EPHB2: variants seen among roughly 807,000 people sequenced by gnomAD.
The protein encoded by EPHB2 is EPH receptor B2.
In EPHB2, 18 loss-of-function variants were observed where a neutral mutation model predicts 96.4. The ratio of observed to expected loss-of-function variants is 0.19; its 90% confidence interval spans 0.13 to 0.28. The LOEUF (loss-of-function observed/expected upper bound fraction) is 0.28. Among genes scored for constraint, EPHB2 ranks in the 10% least tolerant of loss-of-function variants. EPHB2 has a pLI of 1.00. For synonymous variants in EPHB2, 506 were observed against 534.1 expected (o/e 0.95, Z 0.72); for missense variants, 989 against 1,355.4 (o/e 0.73, Z 4.25).
At chr1:22,806,361 C>T (rs1042300470) in intron 3 of EPHB2, among the ~76,000 whole-genome samples, 1 of 152,202 alleles carries the variant, frequency 6.6e-6, no homozygotes, top group Non-Finnish European at 1.5e-5. Context: ...TCTTAGAATA[C>T]CAAGTCCTTG....
chr1:22,754,510 G>A (rs995451101), intron 1 of EPHB2, among the ~76,000 whole-genome samples: 5 of 151,826 alleles, frequency 3.3e-5, no homozygotes, highest in African/African-American at 4.8e-5. Context: ...GAGGACACCT[G>A]AGACCAGGGC....
intron 1 of EPHB2, among the ~76,000 whole-genome samples, chr1:22,743,619 G>T (rs1469660633): frequency 6.6e-6 from 1 of 151,990 alleles, no homozygotes; most frequent in Non-Finnish European, 1.5e-5. Flanking sequence ...TTATAGGCAC[G>T]CACCACCACA....
chr1:22,774,961 A>C (rs1644429222), intron 1 of EPHB2, among the ~76,000 whole-genome samples: 1 of 152,228 alleles, frequency 6.6e-6, no homozygotes, highest in Non-Finnish European at 1.5e-5. Flanking sequence ...CCCAGAGAGC[A>C]GAACTGGCAT....
At chr1:22,851,774 G>T (rs1429262531) in intron 3 of EPHB2, among the ~76,000 whole-genome samples, 1 of 152,174 alleles carries the variant, frequency 6.6e-6, no homozygotes, top group African/African-American at 2.4e-5. Flanking sequence ...CTCTCTGCAC[G>T]CACACCATGC....
At chr1:22,895,730 T>C in intron 8 of EPHB2, 150 bp downstream of exon 8, 1 of 750,246 alleles carries the variant, frequency 1.3e-6, no homozygotes, top group Non-Finnish European at 2.2e-6. Context: ...AGGCTTCAAG[T>C]GGCTTCCCAC....
At position 22,852,596 on chromosome 1, in the gene EPHB2, C is replaced by T. The variant is rs192032631; in HGVS notation, c.812-10441C>T. Reference sequence around the variant, plus strand: ...GCCAGACCTGGGGCTGGGGGCAATGCGGGGGTCCAGGGGCTGGGAGAGCCA... The same window carrying T: ...GCCAGACCTGGGGCTGGGGGCAATGTGGGGGTCCAGGGGCTGGGAGAGCCA... On this transcript the variant is annotated intron_variant, in intron 3 of 15. Coordinates refer to ENST00000374630, the MANE Select transcript of EPHB2 (RefSeq NM_017449.5). Among the ~76,000 whole-genome samples the T allele has an allele frequency of 5.3e-3, 804 of 152,172 alleles. 7 individuals are homozygous for T. The highest frequency in any genetic ancestry group is 0.02 in the Middle Eastern group (6 of 294).
intron 1 of EPHB2, among the ~76,000 whole-genome samples, chr1:22,757,832 C>T (rs554791111): frequency 2.7e-4 from 41 of 150,324 alleles, no homozygotes; most frequent in African/African-American, 9.8e-4. Flanking sequence ...CACTGCACTC[C>T]AGCCTGAGTG....
chr1:22,820,906 T>G (rs1170795601), intron 3 of EPHB2, among the ~76,000 whole-genome samples: 1 of 152,218 alleles, frequency 6.6e-6, no homozygotes, highest in African/African-American at 2.4e-5. Flanking sequence ...CTAAGTATGT[T>G]TGAATCCACG....
chr1:22,879,493 C>CGGGGAGGGATGGCGCT (rs1385690827), intron 5 of EPHB2, among the ~76,000 whole-genome samples: 2 of 152,166 alleles, frequency 1.3e-5, no homozygotes, highest in East Asian at 3.8e-4. Flanking sequence ...GGCAGTTCCA[C>CGGGGAGGGATGGCGCT]GGGGAGGGAT....
intron 3 of EPHB2, among the ~76,000 whole-genome samples, chr1:22,850,824 A>G (rs980157854): frequency 1.3e-5 from 2 of 152,156 alleles, no homozygotes; most frequent in African/African-American, 2.4e-5. Flanking sequence ...GGCAGGAGAA[A>G]CGGCGCATGC....
In EPHB2 at chr1:22,860,666, G is replaced by A. The variant is rs1570400670; in HGVS notation, c.812-2371G>A. ...GGAGGGATGCTGAGCTGGGCAGGCT[G>A]TCTCCAGAGAGGGAGCAGGAGGAGC... On this transcript the variant is annotated intron_variant, in intron 3 of 15. Transcript: ENST00000374630. This position sits in a 1 kb window ranked among gnomAD's most constrained non-coding sequence, Gnocchi z 4.6. 6.6e-6 allele frequency among the ~76,000 whole-genome samples: 1 copy of A among 152,300 alleles called. No individual in the cohort carries two copies. Among genetic ancestry groups the A allele is most frequent in the African/African-American group, 2.4e-5 (1 of 41,566 alleles).
chr1:22,768,891 C>G (rs984701775), intron 1 of EPHB2, among the ~76,000 whole-genome samples: 6 of 152,132 alleles, frequency 3.9e-5, no homozygotes, highest in African/African-American at 1.2e-4. Flanking sequence ...GCCTTGCTGT[C>G]TCCTACTCAA....
chr1:22,780,509 A>G (rs1251708898), intron 1 of EPHB2, among the ~76,000 whole-genome samples: 1 of 152,218 alleles, frequency 6.6e-6, no homozygotes, highest in Non-Finnish European at 1.5e-5. Context: ...GGAAGGCTCC[A>G]GGTTTCTAGA....
chr1:22,826,203 G>T (rs979467632), intron 3 of EPHB2, among the ~76,000 whole-genome samples: 3 of 152,168 alleles, frequency 2.0e-5, no homozygotes, highest in Non-Finnish European at 4.4e-5. Context: ...TCTACTAAGT[G>T]CGTTCAGTGT....
At chr1:22,805,714 G>GC (rs1356334139) in intron 3 of EPHB2, among the ~76,000 whole-genome samples, 1 of 152,210 alleles carries the variant, frequency 6.6e-6, no homozygotes, top group Non-Finnish European at 1.5e-5. Context: ...TCAGGCAGGT[G>GC]CATGTACATG....
intron 1 of EPHB2, among the ~76,000 whole-genome samples, chr1:22,726,267 TTTC>T (rs923964750): frequency 3.3e-5 from 5 of 152,274 alleles, no homozygotes; most frequent in African/African-American, 4.8e-5. Flanking sequence ...TTTTCTGCTC[TTTC>T]TTCTTCTTTT....
rs553062271 is a variant in EPHB2, at chr1:22,796,209, G to A, written c.811+11133G>A. On this transcript the variant is annotated intron_variant, in intron 3 of 15. Transcript: ENST00000374630. ...TGGGGAATACAGTGGGAAATACACA[G>A]TATGTCAGGCGGTGATTAGGACGAC... Among the ~76,000 whole-genome samples, 5 of 152,324 alleles carry A rather than the reference G, an allele frequency of 3.3e-5. No homozygotes were observed. The East Asian group carries it at 5.8e-4, about 18-fold the overall frequency.
chr1:22,804,504 G>T (rs112614798), intron 3 of EPHB2, among the ~76,000 whole-genome samples: 4,828 of 152,156 alleles, frequency 0.032, 269 homozygotes, highest in African/African-American at 0.11. Context: ...GAAAGCGCAC[G>T]CTCACACCCA....
intron 1 of EPHB2, among the ~76,000 whole-genome samples, chr1:22,762,342 C>T (rs1184429922): frequency 1.3e-5 from 2 of 152,352 alleles, no homozygotes; most frequent in East Asian, 3.9e-4. Flanking sequence ...GCAGGACCCT[C>T]AGCTGGAACC....
Sources: allele counts gnomAD v4.1 joint callset (sites outside exome capture counted in the v4.1 genomes callset), GRCh38; gene constraint gnomAD v4.1.1; non-coding constraint Gnocchi (gnomAD v3.1); transcripts MANE v1.5; gene names NCBI Gene and HGNC (gene_info 2026-07-23, HGNC 2026-07-21).